Variants in ABL1 observed in about 807,000 individuals in gnomAD.
ABL1 encodes tyrosine-protein kinase ABL1.
A neutral mutation model predicts 94.7 loss-of-function variants in ABL1; 11 were observed. That is an observed-to-expected ratio of 0.12 (90% confidence interval 0.07 to 0.19). The LOEUF (loss-of-function observed/expected upper bound fraction) is 0.19. Ranked by LOEUF, ABL1 falls within the 10% of genes least tolerant of loss-of-function variation. The pLI is 1.00. For synonymous variants in ABL1, 656 were observed against 622.4 expected, an observed-to-expected ratio of 1.05 and a Z score of -0.80; for missense variants, 1,082 against 1,489.4, an observed-to-expected ratio of 0.73 and a Z score of 4.50.
chr9:130,770,951 T>C (rs945136072), intron 1 of ABL1, among the ~76,000 whole-genome samples: 1 of 152,220 alleles, frequency 6.6e-6, no homozygotes, highest in East Asian at 1.9e-4. Context: ...AAGGAACAGA[T>C]AATATCTCAA....
At chr9:130,719,099 C>T (rs1320908297) in intron 1 of ABL1, among the ~76,000 whole-genome samples, 1 of 152,138 alleles carries the variant, frequency 6.6e-6, no homozygotes, top group Non-Finnish European at 1.5e-5. Flanking sequence ...AAGGATTTTA[C>T]ACCGAAATTT....
At chr9:130,873,165 G>A in intron 6 of ABL1, 128 bp downstream of exon 6, 1 of 999,878 alleles carries the variant, frequency 1.0e-6, no homozygotes, top group Non-Finnish European at 1.4e-6. Context: ...GCAACACATT[G>A]GACCTTGGAA....
At chr9:130,715,233 G>T (rs1306959942) in intron 1 of ABL1, among the ~76,000 whole-genome samples, 1 of 152,168 alleles carries the variant, frequency 6.6e-6, no homozygotes, top group Non-Finnish European at 1.5e-5. Flanking sequence ...TTAAAGCTAA[G>T]GGTCGGCTTA....
At chr9:130,867,937 GT>G (rs34124714) in intron 4 of ABL1, among the ~76,000 whole-genome samples, 122 of 141,208 alleles carry the variant, frequency 8.6e-4, no homozygotes, top group African/African-American at 1.3e-3. Context: ...CCCTCCAGTG[GT>G]TTTTTTTTTT....
At chr9:130,758,156 G>A (rs1832064650) in intron 1 of ABL1, among the ~76,000 whole-genome samples, 1 of 142,206 alleles carries the variant, frequency 7.0e-6, no homozygotes, top group Non-Finnish European at 1.6e-5. Context: ...GAGTGGCTAA[G>A]ATTTTTTTTT....
At chr9:130,738,060 G>A (rs1365899419) in intron 1 of ABL1, among the ~76,000 whole-genome samples, 1 of 151,968 alleles carries the variant, frequency 6.6e-6, no homozygotes, top group Non-Finnish European at 1.5e-5. Flanking sequence ...TCAAACTCCT[G>A]ACCTCGTGAT....
rs193068794 is a variant in ABL1 at position 130,724,718 on chromosome 9, G to T, written c.136+10263G>T. On this transcript the variant is annotated intron_variant, in intron 1 of 10. Transcript: ENST00000372348. ...CCTGGGATTGTGCCACTGCACTCCA[G>T]CCTGGGCGACAGAGCGAAACCCTGT... is the stretch of plus-strand genomic sequence containing the variant. 357 of 391,956 alleles carry T rather than the reference G, an allele frequency of 9.1e-4. 3 individuals are homozygous for T. The highest frequency in any genetic ancestry group is 4.5e-3 in the Middle Eastern group (4 of 886). The allele number at this position is 391,956 out of a possible 1,614,324, so 24.3% of individuals were successfully genotyped here.
At chr9:130,725,484 A>C (rs1047997325) in intron 1 of ABL1, among the ~76,000 whole-genome samples, 6 of 152,068 alleles carry the variant, frequency 3.9e-5, no homozygotes, top group Non-Finnish European at 7.4e-5. Context: ...AGGTTCAAGC[A>C]GTTCTTCTGC....
At chr9:130,798,145 C>G (rs974918317) in intron 1 of ABL1, among the ~76,000 whole-genome samples, 1 of 152,132 alleles carries the variant, frequency 6.6e-6, no homozygotes, top group African/African-American at 2.4e-5. Context: ...TAAGAAAAAT[C>G]TTTTTAATCA....
At chr9:130,734,089 G>C (rs890920073) in intron 1 of ABL1, among the ~76,000 whole-genome samples, 1 of 152,130 alleles carries the variant, frequency 6.6e-6, no homozygotes, top group Admixed American at 6.6e-5. Context: ...ATTACTTTTT[G>C]AGGATAGACT....
intron 1 of ABL1, among the ~76,000 whole-genome samples, chr9:130,798,966 C>CAA (rs71389357): frequency 0.012 from 834 of 66,800 alleles, 20 homozygotes; most frequent in East Asian, 0.033. Flanking sequence ...GACTCCGTCT[C>CAA]AAAAAAAAAA....
intron 10 of ABL1, among the ~76,000 whole-genome samples, chr9:130,881,101 GTGTCC>G (rs1831445375): frequency 2.0e-5 from 3 of 152,242 alleles, no homozygotes; most frequent in Non-Finnish European, 4.4e-5. Flanking sequence ...GACAGAACCC[GTGTCC>G]TGGTGGTCTC....
At chr9:130,729,673 AC>A (rs1312851483) in intron 1 of ABL1, among the ~76,000 whole-genome samples, 1 of 152,136 alleles carries the variant, frequency 6.6e-6, no homozygotes, top group African/African-American at 2.4e-5. Flanking sequence ...GTTGTTTAGG[AC>A]AAAAGGATAT....
chr9:130,884,025 C>T lies in ABL1; in HGVS notation c.1735C>T (p.Pro579Ser), dbSNP rs768293602. The change falls in exon 11 of 11, where the codon CCC becomes TCC. Residue 579 changes from proline (P) to serine (S), a missense_variant. Physicochemically the swap from Pro to Ser is moderately conservative, Grantham distance 74. Around this residue, in one of 7 missense-constraint regions of ABL1, gnomAD observed 780 missense variants for 835.8 expected, o/e 0.93. Transcript: ENST00000318560. This position sits in a 1 kb window ranked among gnomAD's most constrained non-coding sequence, Gnocchi z 5.6. ...ATTGCTCCCTCGAAAAGAGCGAGGTCCCCCGGAGGGCGGCCTGAATGAAGA... is the reference window on the plus strand; with the variant it reads ...ATTGCTCCCTCGAAAAGAGCGAGGTTCCCCGGAGGGCGGCCTGAATGAAGA... ...SPLLPRKERG[P>S]PEGGLNEDER... is the part of the protein sequence containing the mutation. 10 of 1,613,724 alleles carry T rather than the reference C, an allele frequency of 6.2e-6. No homozygotes were observed. The highest frequency in any genetic ancestry group is 2.2e-5 in the East Asian group (1 of 44,878).
At chr9:130,754,371 G>A (rs1647223327) in intron 1 of ABL1, among the ~76,000 whole-genome samples, 1 of 150,762 alleles carries the variant, frequency 6.6e-6, no homozygotes, top group African/African-American at 2.4e-5. Context: ...AGCCAGGCGT[G>A]GTGGCGGGCA....
chr9:130,857,623 AC>A (rs1317226513), intron 3 of ABL1, among the ~76,000 whole-genome samples: 1 of 143,646 alleles, frequency 7.0e-6, no homozygotes, highest in African/African-American at 2.6e-5. Flanking sequence ...GTCCCCACTT[AC>A]CTTTTTAACT....
intron 1 of ABL1, among the ~76,000 whole-genome samples, chr9:130,839,676 C>G (rs1249260992): frequency 6.6e-6 from 1 of 152,198 alleles, no homozygotes; most frequent in African/African-American, 2.4e-5. Context: ...GTTTTTACCT[C>G]TAAGACAGAG....
chr9:130,781,999 TGAA>T (rs2132786103), intron 1 of ABL1, among the ~76,000 whole-genome samples: 1 of 152,352 alleles, frequency 6.6e-6, no homozygotes, highest in South Asian at 2.1e-4. Flanking sequence ...CATATACAGC[TGAA>T]GAAGGTCTGG....
chr9:130,839,077 A>T (rs918728265), intron 1 of ABL1, among the ~76,000 whole-genome samples: 18 of 144,034 alleles, frequency 1.2e-4, no homozygotes, highest in East Asian at 6.0e-4. Context: ...ACTAATTAAA[A>T]TTTTTTTTTT....
Sources: gnomAD v4.1 joint callset for allele counts (sites outside exome capture counted in the v4.1 genomes callset) on GRCh38, gnomAD v4.1.1 for gene constraint, gnomAD v4.1.1 regional missense constraint, Gnocchi (gnomAD v3.1) non-coding constraint, MANE v1.5 for transcripts, NCBI Gene and HGNC (gene_info 2026-07-23, HGNC 2026-07-21) for gene names.